The following WRN variants were observed in gnomAD, a reference collection of about 807,000 sequenced individuals.
The protein encoded by WRN is bifunctional 3'-5' exonuclease/ATP-dependent helicase WRN.
A neutral mutation model predicts 180.7 loss-of-function variants in WRN; 149 were observed. The ratio of observed to expected loss-of-function variants is 0.82; its 90% CI spans 0.72 to 0.94. The LOEUF (loss-of-function observed/expected upper bound fraction) is 0.94, where lower values mean the gene tolerates loss of function less well. WRN is among the 40% of genes least tolerant of loss of function. The probability of loss-of-function intolerance (pLI) is 0.00; values close to 1 mark genes in which losing one functional copy is unlikely to be tolerated. For synonymous variants in WRN, 548 were observed against 568.9 expected (o/e 0.96, Z 0.52); for missense variants, 1,661 against 1,700.1 (o/e 0.98, Z 0.40).
intron 9 of WRN, among the ~76,000 whole-genome samples, chr8:31,081,599 A>G (rs1813314834): frequency 6.6e-6 from 1 of 152,212 alleles, no homozygotes; most frequent in African/African-American, 2.4e-5. Context: ...ATTTTATAGT[A>G]TCAACAGACA....
chr8:31,147,114 GA>G lies in WRN; in HGVS notation c.3446del (p.Glu1149GlyfsTer13). On this transcript the variant is annotated frameshift_variant, in exon 29 of 35. Transcript: ENST00000298139. LOFTEE classifies it high-confidence loss of function. ...CTCACAGCCTGTTATTTCGGCACAA[GA>G]GCAGGAGACTCAGGTAAGGCTTTTG... ...SSSQPVISAQ[E>X]QETQIVLYGK... The G allele has an allele frequency of 6.2e-7, 1 of 1,613,886 alleles. No homozygotes were observed. The highest frequency in any genetic ancestry group is 2.2e-5 in the East Asian group (1 of 44,816).
In WRN at chr8:31,084,852, A is replaced by G. The variant is rs188330463; in HGVS notation, c.1351-314A>G. 3.9e-5 allele frequency among the ~76,000 whole-genome samples: 6 copies of G among 152,254 alleles called. No individual in the cohort carries two copies. The East Asian group carries it at 1.2e-3, about 29-fold the overall frequency. On this transcript the variant is annotated intron_variant, in intron 10 of 34. Transcript: ENST00000298139. The stretch of plus-strand genomic sequence containing the variant: ...TTCTTATACTCAAAAAGTTTGGGAG[A>G]CACAGTTTGATATTGTTTAACCTGA...
At position 31,133,269 on chromosome 8, in the gene WRN, T is replaced by G. The variant is rs539640364; in HGVS notation, c.2967+763T>G. Reference sequence around the variant, plus strand: ...ATCAAGAGCAAGAGATAGGATACTTTGCAAATATGCATATTTATTAAAAAT... The same window carrying G: ...ATCAAGAGCAAGAGATAGGATACTTGGCAAATATGCATATTTATTAAAAAT... On this transcript the variant is annotated intron_variant, in intron 24 of 34. Transcript: ENST00000298139. Among the ~76,000 whole-genome samples the G allele has an allele frequency of 7.2e-5, 11 of 152,364 alleles. No individual in the cohort carries two copies. The South Asian group carries it at 2.1e-3, about 29-fold the overall frequency.
intron 5 of WRN, among the ~76,000 whole-genome samples, chr8:31,065,304 T>G (rs1006173685): frequency 6.6e-6 from 1 of 152,192 alleles, no homozygotes; most frequent in Non-Finnish European, 1.5e-5. Flanking sequence ...ACTTGTGTCA[T>G]GGGGGTTTAT....
intron 34 of WRN, among the ~76,000 whole-genome samples, chr8:31,169,588 A>G (rs987580471): frequency 6.6e-5 from 10 of 152,176 alleles, no homozygotes; most frequent in African/African-American, 2.4e-4. Context: ...TGACCTTGAT[A>G]CTTTTCTTTT....
chr8:31,111,526 T>TC, intron 18 of WRN, 89 bp from the exon 19 acceptor site: 1 of 1,488,816 alleles, frequency 6.7e-7, no homozygotes. Flanking sequence ...CAAACTGTTG[T>TC]CCTACCAGTC....
At chr8:31,160,156 C>T (rs183697708) in intron 33 of WRN, among the ~76,000 whole-genome samples, 5 of 152,248 alleles carry the variant, frequency 3.3e-5, no homozygotes, top group Non-Finnish European at 7.4e-5. Context: ...ATCTTAACAA[C>T]GAATTCTGCT....
At position 31,141,484 on chromosome 8, in the gene WRN, A is replaced by G. The variant is rs1157770083; in HGVS notation, c.3022A>G (p.Lys1008Glu). 2 of 1,614,076 alleles carry G rather than the reference A, an allele frequency of 1.2e-6. No individual in the cohort carries two copies. Among genetic ancestry groups the G allele is most frequent in the African/African-American group, 1.3e-5 (1 of 74,930 alleles). ...YRRHSLFGTG[K>E]DQTESWWKAF... is the part of the protein sequence containing the mutation. ...CAGGCACAGTTTATTTGGCACTGGC[A>G]AGGATCAAACAGAGAGTTGGTGGAA... The change falls in exon 25 of 35, where the codon AAG becomes GAG. Residue 1008 changes from lysine (K) to glutamate (E), a missense_variant. Around this residue, in one of 3 missense-constraint regions of WRN, gnomAD observed 1,141 missense variants for 1,149.4 expected, o/e 0.99. Coordinates refer to ENST00000298139, the MANE Select transcript of WRN (RefSeq NM_000553.6).
rs141138033 is a variant in WRN, at chr8:31,128,595, C to T, written c.2825+3595C>T. Among the ~76,000 whole-genome samples, 4 of 152,346 alleles carry T rather than the reference C, an allele frequency of 2.6e-5. No individual in the cohort carries two copies. In the East Asian group the frequency reaches 5.8e-4, roughly 22 times the overall value. On this transcript the variant is annotated intron_variant, in intron 23 of 34. Transcript: ENST00000298139. ...ATGTATTGGGCCGGGTGCAGTGGCT[C>T]ATGCCTGTAATCCCAGCACTTTGGG...
chr8:31,058,293 A>G lies in WRN; in HGVS notation c.-76-79A>G, dbSNP rs1438264956. 6.2e-6 allele frequency: 4 copies of G among 641,246 alleles called. No homozygotes were observed. In the African/African-American group the frequency reaches 7.3e-5, roughly 12 times the overall value. 39.7% of individuals were successfully genotyped at this position (641,246 alleles called of 1,614,324 possible). A position where few individuals can be genotyped will look rare whatever the true frequency, so the allele number is the denominator to read the frequency against. ...TTTGTGATTCTAGCTCTTATAACCT[A>G]TGCTTGGACCTAGGTGTCATAACTT... On this transcript the variant is annotated intron_variant, in intron 1 of 34. Transcript: ENST00000298139.
rs71208105 is a variant in WRN at position 31,149,455 on chromosome 8, G to GTT, written c.3573-851_3573-850dup. 5.8e-5 allele frequency among the ~76,000 whole-genome samples: 3 copies of GTT among 51,976 alleles called. 1 individual carries two copies. Among genetic ancestry groups the GTT allele is most frequent in the African/African-American group, 2.3e-4 (3 of 13,006 alleles). 34.1% of individuals were successfully genotyped at this position (51,976 alleles called of 152,430 possible). A position where few individuals can be genotyped will look rare whatever the true frequency, so the allele number is the denominator to read the frequency against. ...TCTAAGACCATACTTTAATAGAGGT[G>GTT]TTTTTTTTTTTTTTTTTTTTTTTTT... On this transcript the variant is annotated intron_variant, in intron 30 of 34. Coordinates refer to ENST00000298139, the MANE Select transcript of WRN (RefSeq NM_000553.6).
intron 31 of WRN, among the ~76,000 whole-genome samples, chr8:31,151,887 T>A (rs1161035089): frequency 6.7e-6 from 1 of 148,528 alleles, no homozygotes; most frequent in Non-Finnish European, 1.5e-5. Context: ...ATTCATGAGT[T>A]TCATTAGCCT....
intron 27 of WRN, 63 bp downstream of exon 27, chr8:31,142,764 A>G: frequency 7.2e-7 from 1 of 1,390,322 alleles, no homozygotes; most frequent in Non-Finnish European, 9.9e-7. Flanking sequence ...TCTGTTTAAA[A>G]TTTTATATTT....
chr8:31,141,144 A>G (rs1243199638), intron 24 of WRN, among the ~76,000 whole-genome samples: 1 of 132,124 alleles, frequency 7.6e-6, no homozygotes, highest in Non-Finnish European at 1.7e-5. Flanking sequence ...AAATAACAAA[A>G]GCTAAGTGTT....
At chr8:31,095,658 T>A (rs984551058) in intron 16 of WRN, among the ~76,000 whole-genome samples, 1 of 152,256 alleles carries the variant, frequency 6.6e-6, no homozygotes, top group Non-Finnish European at 1.5e-5. Flanking sequence ...TTACACTGAA[T>A]TGACTTTGTA....
chr8:31,112,451 T>G (rs62506092), intron 19 of WRN, among the ~76,000 whole-genome samples: 95 of 152,278 alleles, frequency 6.2e-4, no homozygotes, highest in Non-Finnish European at 1.1e-3. Flanking sequence ...CTATAACTGC[T>G]CAGTAAGTTA....
intron 18 of WRN, among the ~76,000 whole-genome samples, chr8:31,103,276 A>G (rs1057178492): frequency 6.6e-6 from 1 of 152,216 alleles, no homozygotes; most frequent in Non-Finnish European, 1.5e-5. Context: ...AAAATAATGG[A>G]AAAGGGTATA....
At chr8:31,118,628 G>A (rs780366895) in intron 20 of WRN, among the ~76,000 whole-genome samples, 2 of 152,070 alleles carry the variant, frequency 1.3e-5, no homozygotes, top group South Asian at 4.1e-4. Context: ...CTCTAAAAGT[G>A]GAGGTGACAG....
chr8:31,161,485 A>G (rs1217878653), intron 33 of WRN, among the ~76,000 whole-genome samples: 1 of 152,186 alleles, frequency 6.6e-6, no homozygotes, highest in Non-Finnish European at 1.5e-5. Flanking sequence ...ACACAGTGGT[A>G]TTTGTATATA....
Sources: allele counts gnomAD v4.1 joint callset (sites outside exome capture counted in the v4.1 genomes callset), GRCh38; gene constraint gnomAD v4.1.1; regional missense constraint gnomAD v4.1.1; transcripts MANE v1.5; gene names NCBI Gene and HGNC (gene_info 2026-07-23, HGNC 2026-07-21).